The following CLIC3 variants were observed in gnomAD, a reference collection of about 807,000 sequenced individuals.
The protein encoded by CLIC3 is CLIC family member 3.
A neutral mutation model predicts 19.9 loss-of-function variants in CLIC3; 29 were observed. The observed-to-expected ratio is 1.46, with a 90% CI of 1.09 to 1.99. CLIC3 has a LOEUF of 1.99. Among genes scored for constraint, CLIC3 ranks in the 30% most tolerant of loss-of-function variants. CLIC3 has a pLI of 0.00. For synonymous variants in CLIC3, 143 were observed against 156.4 expected (o/e 0.91, Z 0.64); for missense variants, 365 against 342.6 (o/e 1.07, Z -0.52).
Position 136,995,423 on chromosome 9 carries a change from A to C in CLIC3, c.269+19T>G, listed in dbSNP as rs764651549. On this transcript the variant is annotated intron_variant, in intron 3 of 5. Transcript: ENST00000494426. ...CTGGGCCCCCCTCTTTTCCCCTCCC[A>C]CCCTGCCGGGGCTCTCACTCGGGCG... 1.9e-6 allele frequency: 3 copies of C among 1,610,128 alleles called. No individual in the cohort carries two copies. Among genetic ancestry groups the C allele is most frequent in the Non-Finnish European group, 1.7e-6 (2 of 1,179,014 alleles).
chr9:136,996,565 G>GAC lies in CLIC3; in HGVS notation c.-23_-22insGT. ...CCATGGTGGGAGCTGCCGCGGTCAGGCGCGGGTGGGGACCTGGGGAGCTCT... is the reference window on the plus strand; with the variant it reads ...CCATGGTGGGAGCTGCCGCGGTCAGGACCGCGGGTGGGGACCTGGGGAGCTCT... On this transcript the variant is annotated 5_prime_UTR_variant, in exon 1 of 6. Transcript: ENST00000494426. The GAC allele has an allele frequency of 6.4e-7, 1 of 1,551,842 alleles. No individual in the cohort carries two copies. The highest frequency in any genetic ancestry group is 8.7e-7 in the Non-Finnish European group (1 of 1,147,346).
chr9:136,995,531 C>T lies in CLIC3; in HGVS notation c.180G>A (p.Ser60=), dbSNP rs1315048399. Residue 60 remains serine (S), a synonymous_variant, in exon 3 of 6, where the codon TCG becomes TCA. Coordinates refer to ENST00000494426, the MANE Select transcript of CLIC3 (RefSeq NM_004669.3). ...TGTCATAGAGCAGGATGGGCAGCTG[C>T]GAGCCGGGGGCGAAGTCCTTCAGCA... is the stretch of plus-strand genomic sequence containing the variant. ...PDVLKDFAPG[S]QLPILLYDSD... The T allele has an allele frequency of 6.2e-6, 10 of 1,612,310 alleles. No individual in the cohort carries two copies. Among genetic ancestry groups the T allele is most frequent in the East Asian group, 4.5e-5 (2 of 44,872 alleles).
intron 1 of CLIC3, 24 bp downstream of exon 1, chr9:136,996,487 C>A: frequency 6.4e-7 from 1 of 1,552,028 alleles, no homozygotes; most frequent in Non-Finnish European, 8.7e-7. Flanking sequence ...AGACACCCTC[C>A]CCGCAGCTGA....
At position 136,995,028 on chromosome 9, in the gene CLIC3, C is replaced by G; in HGVS notation, c.454G>C (p.Gly152Arg). The change falls in exon 5 of 6, where the codon GGG becomes CGG. Residue 152 changes from glycine to arginine, a missense_variant. Gly to Arg is a moderately radical substitution (Grantham distance 125, BLOSUM62 -2). Transcript: ENST00000494426. ...CGGGACTCGCGCAGCTGCGGCTCCC[C>G]CGCCAGCTCGTGCTCCAGGGGCGCG... ...LRAPLEHELAGEPQLRESRRR... is the reference protein window; with the variant it reads ...LRAPLEHELAREPQLRESRRR... The G allele has an allele frequency of 1.3e-6, 2 of 1,509,860 alleles. No homozygotes were observed. Among genetic ancestry groups the G allele is most frequent in the African/African-American group, 1.4e-5 (1 of 70,708 alleles). The allele number at this position is 1,509,860 out of a possible 1,614,324, so 93.5% of individuals were successfully genotyped here.
At position 136,994,957 on chromosome 9, in the gene CLIC3, G is replaced by C. The variant is rs111505970; in HGVS notation, c.525C>G (p.Ser175Arg). 1.3e-6 allele frequency: 2 copies of C among 1,502,862 alleles called. No individual in the cohort carries two copies. Among genetic ancestry groups the C allele is most frequent in the Non-Finnish European group, 1.8e-6 (2 of 1,132,896 alleles). The allele number at this position is 1,502,862 out of a possible 1,614,324, so 93.1% of individuals were successfully genotyped here. A position where few individuals can be genotyped will look rare whatever the true frequency, so the allele number is the denominator to read the frequency against. The change falls in exon 5 of 6, where the codon AGC becomes AGG. Residue 175 changes from serine (S) to arginine (R), a missense_variant. Transcript: ENST00000494426. ...DGDRLTLADC[S>R]LLPKLHIVDT... ...CGACGATGTGCAGCTTGGGCAGGAGGCTGCAGTCGGCCAGCGTGAGCCTGT... is the reference window on the plus strand; with the variant it reads ...CGACGATGTGCAGCTTGGGCAGGAGCCTGCAGTCGGCCAGCGTGAGCCTGT...
rs779621052 is a variant in CLIC3, at chr9:136,996,539, G to A, written c.5C>T (p.Ala2Val). 1 of 1,554,312 alleles carries A rather than the reference G, an allele frequency of 6.4e-7. No individual in the cohort carries two copies. The highest frequency in any genetic ancestry group is 2.4e-5 in the East Asian group (1 of 41,604). Residue 2 changes from alanine (A) to valine (V), a missense_variant, in exon 1 of 6, where the codon GCG becomes GTG. Transcript: ENST00000494426. M[A>V]ETKLQLFVKA... ...GACAAACAGCTGGAGCTTGGTCTCC[G>A]CCATGGTGGGAGCTGCCGCGGTCAG...
At position 136,995,408 on chromosome 9, in the gene CLIC3, C is replaced by A. The variant is rs142940457; in HGVS notation, c.269+34G>T. 1,049 of 1,611,146 alleles carry A rather than the reference C, an allele frequency of 6.5e-4. 9 individuals carry two copies. In the African/African-American group the frequency reaches 0.012, roughly 19 times the overall value. ...TTGCGCGCGTCCTCCCTGGGCCCCC[C>A]TCTTTTCCCCTCCCACCCTGCCGGG... On this transcript the variant is annotated intron_variant, in intron 3 of 5. Transcript: ENST00000494426.
intron 1 of CLIC3, 114 bp downstream of exon 1, chr9:136,996,397 A>C: frequency 1.0e-6 from 1 of 980,816 alleles, no homozygotes; most frequent in Non-Finnish European, 1.6e-6. Context: ...AGCCACCCAC[A>C]GGAAGGGGCT....
chr9:136,996,157 T>C (rs1345393322), intron 1 of CLIC3, among the ~76,000 whole-genome samples: 1 of 152,140 alleles, frequency 6.6e-6, no homozygotes, highest in African/African-American at 2.4e-5. Flanking sequence ...GTCCCCGACC[T>C]GAGAGCTGAT....
At position 136,994,988 on chromosome 9, in the gene CLIC3, T is replaced by TCC; in HGVS notation, c.492_493dup (p.Asp165GlyfsTer94). Reference sequence around the variant, plus strand: ...GTCGGCCAGCGTGAGCCTGTCGCCGTCCAGGAAGCGGCGGCGGGACTCGCG... The same window carrying TCC: ...GTCGGCCAGCGTGAGCCTGTCGCCGTCCCCAGGAAGCGGCGGCGGGACTCGCG... On this transcript the variant is annotated frameshift_variant, in exon 5 of 6. Transcript: ENST00000494426. LOFTEE classifies it high-confidence loss of function. The TCC allele has an allele frequency of 6.7e-7, 1 of 1,499,416 alleles. No homozygotes were observed. The highest frequency in any genetic ancestry group is 8.9e-7 in the Non-Finnish European group (1 of 1,129,606). The allele number at this position is 1,499,416 out of a possible 1,614,324, so 92.9% of individuals were successfully genotyped here.
chr9:136,995,748 C>T lies in CLIC3; in HGVS notation c.43G>A (p.Asp15Asn). The T allele has an allele frequency of 6.4e-7, 1 of 1,570,808 alleles. No individual in the cohort carries two copies. Among genetic ancestry groups the T allele is most frequent in the Admixed American group, 1.9e-5 (1 of 53,292 alleles). ...GGGCAGTGACCCACGCTCTCCCCGT[C>T]CTCACTCGCCTGGGTGGGTGGAGCG... ...KLQLFVKASE[D>N]GESVGHCPSC... Residue 15 changes from aspartate (D) to asparagine (N), a missense_variant, in exon 2 of 6, where the codon GAC (aspartate) becomes AAC (asparagine). Physicochemically the swap from Asp to Asn is conservative, Grantham distance 23 (BLOSUM62 1). Coordinates refer to ENST00000494426, the MANE Select transcript of CLIC3 (RefSeq NM_004669.3).
intron 5 of CLIC3, 27 bp downstream of exon 5, chr9:136,994,903 T>TTCCCC: frequency 1.4e-6 from 1 of 738,244 alleles, no homozygotes; most frequent in Middle Eastern, 4.5e-4. Context: ...GCGGTCACCC[T>TTCCCC]CCCGCCCGCC....
In CLIC3 at chr9:136,995,743, C is replaced by T. The variant is rs76917530; in HGVS notation, c.48G>A (p.Gly16=). 2.3e-3 allele frequency: 3,613 copies of T among 1,579,130 alleles called. 78 individuals are homozygous for T. The African/African-American group carries it at 0.042, about 18-fold the overall frequency. The part of the protein sequence containing the change: ...LQLFVKASED[G]ESVGHCPSCQ... ...AGGAGGGGCAGTGACCCACGCTCTC[C>T]CCGTCCTCACTCGCCTGGGTGGGTG... is the stretch of plus-strand genomic sequence containing the variant. The change falls in exon 2 of 6, where the codon GGG becomes GGA. Residue 16 remains glycine (G), a synonymous_variant. Transcript: ENST00000494426.
rs1486445840 is a variant in CLIC3 at position 136,994,688 on chromosome 9, G to C, written c.704C>G (p.Pro235Arg). 1.9e-6 allele frequency: 3 copies of C among 1,608,552 alleles called. No homozygotes were observed. The highest frequency in any genetic ancestry group is 2.5e-6 in the Non-Finnish European group (3 of 1,178,196). The change falls in exon 6 of 6, where the codon CCC becomes CGC. Residue 235 changes from proline (P) to arginine (R), a missense_variant. Transcript: ENST00000494426. Reference sequence around the variant, plus strand: ...CAGACGCGGGGTGGGGCGCTAGCGGGGGTGCACGGCGGGCCGGTAGGCCGC... The same window carrying C: ...CAGACGCGGGGTGGGGCGCTAGCGGCGGTGCACGGCGGGCCGGTAGGCCGC... ...ILAAYRPAVH[P>R]R
In CLIC3 at chr9:136,995,560, C is replaced by T. The variant is rs750420478; in HGVS notation, c.151G>A (p.Asp51Asn). The T allele has an allele frequency of 1.2e-6, 2 of 1,612,160 alleles. No individual in the cohort carries two copies. The highest frequency in any genetic ancestry group is 1.3e-5 in the African/African-American group (1 of 75,042). ...LTTVDTRRSP[D>N]VLKDFAPGSQ... ...CCGGGGGCGAAGTCCTTCAGCACGT[C>T]CGGGGACCTGCGGGCAGCAGCGGGG... The change falls in exon 3 of 6, where the codon GAC becomes AAC. Residue 51 changes from aspartate to asparagine, a missense_variant. Coordinates refer to ENST00000494426, the MANE Select transcript of CLIC3 (RefSeq NM_004669.3).
intron 1 of CLIC3, 131 bp from the exon 2 acceptor site, chr9:136,995,888 C>G (rs954821790): frequency 2.3e-5 from 15 of 644,492 alleles, no homozygotes; most frequent in African/African-American, 2.0e-4. Flanking sequence ...GCTTGGTCGG[C>G]GCGACTTCCA....
Position 136,994,910 on chromosome 9 carries a change from C to A in CLIC3, c.552+20G>T. On this transcript the variant is annotated intron_variant, in intron 5 of 5. Coordinates refer to ENST00000494426, the MANE Select transcript of CLIC3 (RefSeq NM_004669.3). Reference sequence around the variant, plus strand: ...GGCGCGCCGCGGTCACCCTCCCGCCCGCCCACCTTCCGTGCTCACGTCGAC... The same window carrying A: ...GGCGCGCCGCGGTCACCCTCCCGCCAGCCCACCTTCCGTGCTCACGTCGAC... 1 of 1,473,988 alleles carries A rather than the reference C, an allele frequency of 6.8e-7. No homozygotes were observed. The allele number at this position is 1,473,988 out of a possible 1,614,324, so 91.3% of individuals were successfully genotyped here.
At chr9:136,995,609 G>A in intron 2 of CLIC3, 39 bp downstream of exon 2, 1 of 1,609,964 alleles carries the variant, frequency 6.2e-7, no homozygotes, top group Non-Finnish European at 8.5e-7. Flanking sequence ...GCCCACCAGT[G>A]TGCGAGGCCA....
At chr9:136,996,421 G>C (rs545096923) in intron 1 of CLIC3, 90 bp downstream of exon 1, 1 of 1,221,878 alleles carries the variant, frequency 8.2e-7, no homozygotes, top group South Asian at 1.3e-5. Flanking sequence ...ACATTACTGG[G>C]AGGCCCACCC....
Sources: allele counts gnomAD v4.1 joint callset (sites outside exome capture counted in the v4.1 genomes callset), GRCh38; gene constraint gnomAD v4.1.1; transcripts MANE v1.5; gene names NCBI Gene and HGNC (gene_info 2026-07-23, HGNC 2026-07-21).